The following CLCN3 variants were observed in gnomAD, a reference collection of about 807,000 sequenced individuals.
The protein encoded by CLCN3 is H(+)/Cl(-) exchange transporter 3.
Under a neutral mutation model 83.4 loss-of-function variants are expected in CLCN3, and 16 were observed. The ratio of observed to expected loss-of-function variants is 0.19; its 90% CI spans 0.13 to 0.29. The LOEUF (loss-of-function observed/expected upper bound fraction) is 0.29, where lower values mean the gene tolerates loss of function less well. Ranked by LOEUF, CLCN3 falls within the 10% of genes least tolerant of loss-of-function variation. CLCN3 has a pLI of 1.00. For synonymous variants in CLCN3, 322 were observed against 346.2 expected (o/e 0.93, Z 0.78); for missense variants, 544 against 1,006.0 (o/e 0.54, Z 6.21).
At chr4:169,652,586 T>A (rs1371912524) in intron 2 of CLCN3, among the ~76,000 whole-genome samples, 1 of 152,224 alleles carries the variant, frequency 6.6e-6, no homozygotes. Context: ...TTACTAACAA[T>A]GCTACTTTGA....
chr4:169,680,725 G>A (rs1731903377), intron 3 of CLCN3: 1 of 152,312 alleles, frequency 6.6e-6, no homozygotes, highest in Non-Finnish European at 1.5e-5. Flanking sequence ...CTTATTGAGT[G>A]TTGTAATGGT....
intron 10 of CLCN3, 101 bp downstream of exon 10, chr4:169,704,285 A>G (rs1359815728): frequency 9.3e-7 from 1 of 1,071,376 alleles, no homozygotes; most frequent in Non-Finnish European, 1.4e-6. Context: ...GGATTGGTTG[A>G]GTAAAGGAGG....
At chr4:169,680,002 CTG>C (rs1216206471) in intron 2 of CLCN3, 46 bp from the exon 3 acceptor site, 2 of 1,435,674 alleles carry the variant, frequency 1.4e-6, no homozygotes, top group South Asian at 2.3e-5. Flanking sequence ...ACTTAGCTCA[CTG>C]TTGTCTCTTC....
intron 2 of CLCN3, among the ~76,000 whole-genome samples, chr4:169,670,818 A>C (rs954296565): frequency 3.9e-5 from 6 of 152,126 alleles, no homozygotes; most frequent in Non-Finnish European, 5.9e-5. Context: ...TTCTCCTTGA[A>C]CAGGTCCTTC....
At chr4:169,671,222 A>G (rs574737453) in intron 2 of CLCN3, among the ~76,000 whole-genome samples, 4 of 152,368 alleles carry the variant, frequency 2.6e-5, no homozygotes, top group African/African-American at 7.2e-5. Flanking sequence ...GGTAGACTGG[A>G]TAAAGAAAAT....
intron 1 of CLCN3, among the ~76,000 whole-genome samples, chr4:169,634,924 A>G (rs1287090869): frequency 6.6e-6 from 1 of 152,186 alleles, no homozygotes; most frequent in Non-Finnish European, 1.5e-5. Context: ...GTAATAGTCT[A>G]GTTTTCTAAA....
At chr4:169,624,324 A>G (rs367884527) in intron 1 of CLCN3, among the ~76,000 whole-genome samples, 6 of 152,128 alleles carry the variant, frequency 3.9e-5, no homozygotes, top group East Asian at 1.9e-4. Context: ...AGCAGAGACA[A>G]GGTTTTACCA....
intron 2 of CLCN3, among the ~76,000 whole-genome samples, chr4:169,639,622 T>C (rs1581195804): frequency 6.6e-6 from 1 of 152,218 alleles, no homozygotes; most frequent in Non-Finnish European, 1.5e-5. Flanking sequence ...ATAGCTGATA[T>C]TCTTCTGTTA....
At chr4:169,627,003 CTT>C (rs1773251148) in intron 1 of CLCN3, among the ~76,000 whole-genome samples, 1 of 152,164 alleles carries the variant, frequency 6.6e-6, no homozygotes, top group Admixed American at 6.5e-5. Flanking sequence ...CCTTCAGTCT[CTT>C]ACCCTTCTTA....
intron 2 of CLCN3, among the ~76,000 whole-genome samples, chr4:169,645,513 C>G (rs1253027485): frequency 6.6e-6 from 1 of 152,112 alleles, no homozygotes; most frequent in Non-Finnish European, 1.5e-5. Flanking sequence ...ATTTAAACTT[C>G]CAGGTCATTC....
At chr4:169,643,587 C>T (rs1354871159) in intron 2 of CLCN3, among the ~76,000 whole-genome samples, 2 of 151,770 alleles carry the variant, frequency 1.3e-5, no homozygotes, top group East Asian at 1.9e-4. Context: ...GGCTGGGGTG[C>T]AGTGGCATGA....
chr4:169,690,442 G>A, intron 5 of CLCN3, 88 bp from the exon 6 acceptor site: 1 of 1,371,808 alleles, frequency 7.3e-7, no homozygotes, highest in Non-Finnish European at 1.0e-6. Context: ...ACCATGCCTG[G>A]CCGTTTACTG....
chr4:169,705,322 G>T (rs535998860), intron 10 of CLCN3, among the ~76,000 whole-genome samples: 2 of 152,272 alleles, frequency 1.3e-5, no homozygotes, highest in African/African-American at 4.8e-5. Context: ...TTTGGGAAAT[G>T]AAGTTGGATT....
intron 12 of CLCN3, among the ~76,000 whole-genome samples, chr4:169,715,207 C>T (rs1581290440): frequency 6.6e-6 from 1 of 152,084 alleles, no homozygotes; most frequent in East Asian, 1.9e-4. Flanking sequence ...TATTTGGCAG[C>T]ATAGATATTA....
At chr4:169,699,500 C>G (rs1384541401) in intron 9 of CLCN3, among the ~76,000 whole-genome samples, 1 of 152,244 alleles carries the variant, frequency 6.6e-6, no homozygotes, top group Admixed American at 6.5e-5. Context: ...AGCTTTGTTT[C>G]TACAAAATTA....
intron 2 of CLCN3, among the ~76,000 whole-genome samples, chr4:169,667,741 A>G (rs1731296582): frequency 6.6e-6 from 1 of 151,446 alleles, no homozygotes; most frequent in African/African-American, 2.4e-5. Context: ...CAAATTTTTA[A>G]GACTTTTTTT....
intron 2 of CLCN3, among the ~76,000 whole-genome samples, chr4:169,636,735 G>GTTGTTTTTTTTTTTT (rs1553965336): frequency 1.7e-5 from 2 of 119,518 alleles, no homozygotes; most frequent in Non-Finnish European, 1.8e-5. Flanking sequence ...TCATTATTTG[G>GTTGTTTTTTTTTTTT]TTTTTTTTTT....
chr4:169,692,878 A>T (rs1732423495), intron 7 of CLCN3, among the ~76,000 whole-genome samples: 1 of 152,130 alleles, frequency 6.6e-6, no homozygotes, highest in Non-Finnish European at 1.5e-5. Context: ...TTCCTTTACC[A>T]TTTCTTTAGG....
intron 2 of CLCN3, among the ~76,000 whole-genome samples, chr4:169,663,316 TGTTG>T (rs1203821166): frequency 9.2e-5 from 6 of 65,362 alleles, no homozygotes; most frequent in African/African-American, 2.1e-4. Flanking sequence ...TGGGTTTTTT[TGTTG>T]TTGTTGTTGT....
Sources: allele counts gnomAD v4.1 joint callset (sites outside exome capture counted in the v4.1 genomes callset), GRCh38; gene constraint gnomAD v4.1.1; transcripts MANE v1.5; gene names NCBI Gene and HGNC (gene_info 2026-07-23, HGNC 2026-07-21).